The following PPP1R16A variants were observed in gnomAD, a reference collection of about 807,000 sequenced individuals.
The protein encoded by PPP1R16A is protein phosphatase 1 regulatory subunit 16A.
A neutral mutation model predicts 46.6 loss-of-function variants in PPP1R16A; 39 were observed. The observed-to-expected ratio is 0.84, with a 90% CI of 0.65 to 1.09. The LOEUF (loss-of-function observed/expected upper bound fraction) is 1.09. Ranked by LOEUF, PPP1R16A falls within the 50% of genes least tolerant of loss-of-function variation. The pLI, the probability that PPP1R16A is intolerant of heterozygous loss-of-function variation, is 0.00. For missense variants in PPP1R16A, 798 were observed against 735.6 expected (o/e 1.08, Z -0.98); for synonymous variants, 413 against 321.5 (o/e 1.28, Z -3.04).
At position 144,499,022 on chromosome 8, in the gene PPP1R16A, C is replaced by T. The variant is rs200134453; in HGVS notation, c.437C>T (p.Thr146Ile). ...TGGACGCCTCTGCATGCTGCGGCCA[C>T]CTGCGGCCACCTGCACCTGGTGGAG... is the stretch of plus-strand genomic sequence containing the variant. ...ECWTPLHAAA[T>I]CGHLHLVELL... is the part of the protein sequence containing the mutation. Residue 146 changes from threonine to isoleucine, a missense_variant, in exon 5 of 12, where the codon ACC becomes ATC. Coordinates refer to ENST00000435887, the MANE Select transcript of PPP1R16A (RefSeq NM_001329443.2). The T allele has an allele frequency of 1.9e-6, 3 of 1,589,710 alleles. No individual in the cohort carries two copies. Among genetic ancestry groups the T allele is most frequent in the African/African-American group, 2.7e-5 (2 of 74,762 alleles).
intron 1 of PPP1R16A, among the ~76,000 whole-genome samples, chr8:144,484,499 A>G (rs1223580205): frequency 1.3e-5 from 2 of 152,072 alleles, no homozygotes; most frequent in Non-Finnish European, 2.9e-5. Flanking sequence ...GCTGGCTTTT[A>G]TCTTCAGTTC....
At chr8:144,487,177 C>T (rs866633350) in intron 1 of PPP1R16A, among the ~76,000 whole-genome samples, 5 of 151,940 alleles carry the variant, frequency 3.3e-5, no homozygotes, top group Admixed American at 6.6e-5. Flanking sequence ...CTAGTAGAGA[C>T]GGGGTTTCAC....
intron 3 of PPP1R16A, chr8:144,497,993 C>T (rs545549719): frequency 4.7e-4 from 214 of 454,666 alleles, no homozygotes; most frequent in African/African-American, 4.0e-3. Flanking sequence ...CCCACGCTTG[C>T]AGCCCCAGCT....
chr8:144,499,783 C>CT, intron 5 of PPP1R16A: 1 of 350,214 alleles, frequency 2.9e-6, no homozygotes, highest in Non-Finnish European at 5.4e-6. Context: ...CCTGCACCCC[C>CT]GCCACCCTGT....
chr8:144,490,456 A>G (rs991562264), intron 2 of PPP1R16A, among the ~76,000 whole-genome samples: 41 of 152,066 alleles, frequency 2.7e-4, no homozygotes, highest in African/African-American at 9.4e-4. Flanking sequence ...CAGTGAGCCA[A>G]GATCATGCCA....
chr8:144,488,313 G>A (rs549080844), intron 1 of PPP1R16A, among the ~76,000 whole-genome samples: 2 of 152,312 alleles, frequency 1.3e-5, no homozygotes, highest in South Asian at 2.1e-4. Flanking sequence ...GGGCAGGAGA[G>A]AAAAGGCAAG....
intron 1 of PPP1R16A, among the ~76,000 whole-genome samples, chr8:144,482,286 T>C (rs940389118): frequency 5.3e-5 from 8 of 152,012 alleles, no homozygotes; most frequent in African/African-American, 1.7e-4. Flanking sequence ...TTGGCCAGAC[T>C]ACCTGAAGTG....
chr8:144,496,733 G>T lies in PPP1R16A; in HGVS notation c.-462G>T, dbSNP rs1473057481. ...GGCTCCTGAGCCTAGAAGGTGAAAA[G>T]AGGACTCTCAGGGGCTCACAGGGGC... On this transcript the variant is annotated 5_prime_UTR_variant, in exon 3 of 12. Transcript: ENST00000435887. 4.6e-6 allele frequency: 1 copy of T among 216,148 alleles called. No individual in the cohort carries two copies. Among genetic ancestry groups the T allele is most frequent in the African/African-American group, 2.3e-5 (1 of 43,846 alleles). The allele number at this position is 216,148 out of a possible 1,614,324, so 13.4% of individuals were successfully genotyped here.
Position 144,500,471 on chromosome 8 carries a change from G to T in PPP1R16A, c.706-16G>T. 6.4e-7 allele frequency: 1 copy of T among 1,565,612 alleles called. No individual in the cohort carries two copies. The highest frequency in any genetic ancestry group is 8.6e-7 in the Non-Finnish European group (1 of 1,164,244). On this transcript the variant is annotated splice_polypyrimidine_tract_variant and intron_variant, in intron 7 of 11. Transcript: ENST00000435887. Reference sequence around the variant, plus strand: ...TGGGGGATGGGGCCGAATTCAGGCCGGGCGCTTGCCTGCAGCTGCACGTCG... The same window carrying T: ...TGGGGGATGGGGCCGAATTCAGGCCTGGCGCTTGCCTGCAGCTGCACGTCG...
chr8:144,480,623 A>T (rs1195105474), intron 1 of PPP1R16A, among the ~76,000 whole-genome samples: 3 of 152,020 alleles, frequency 2.0e-5, no homozygotes, highest in Admixed American at 1.3e-4. Flanking sequence ...AGTAGCTGGG[A>T]CTACAGGCGC....
At chr8:144,487,581 G>A (rs1825666529) in intron 1 of PPP1R16A, among the ~76,000 whole-genome samples, 1 of 152,114 alleles carries the variant, frequency 6.6e-6, no homozygotes. Context: ...TTTTGCCTAG[G>A]CTGGCCTTGA....
In PPP1R16A at chr8:144,487,564, C is replaced by T. The variant is rs1015753254; in HGVS notation, c.-913-2470C>T. 3.9e-5 allele frequency among the ~76,000 whole-genome samples: 6 copies of T among 152,106 alleles called. No homozygotes were observed. In the South Asian group the frequency reaches 8.3e-4, roughly 21 times the overall value. On this transcript the variant is annotated intron_variant, in intron 1 of 11. Coordinates refer to ENST00000435887, the MANE Select transcript of PPP1R16A (RefSeq NM_001329443.2). ...TTTTAAATTTTGTAGAGATGAGAGTCTCCCTGTTTTGCCTAGGCTGGCCTT... is the reference window on the plus strand; with the variant it reads ...TTTTAAATTTTGTAGAGATGAGAGTTTCCCTGTTTTGCCTAGGCTGGCCTT...
chr8:144,481,172 G>C (rs1299750962), intron 1 of PPP1R16A, among the ~76,000 whole-genome samples: 1 of 151,800 alleles, frequency 6.6e-6, no homozygotes, highest in Non-Finnish European at 1.5e-5. Context: ...TTACAGGCGT[G>C]ACCACCGCGC....
At chr8:144,489,035 C>T (rs1318260374) in intron 1 of PPP1R16A, among the ~76,000 whole-genome samples, 2 of 151,100 alleles carry the variant, frequency 1.3e-5, no homozygotes, top group Non-Finnish European at 3.0e-5. Context: ...GAAACCCGCT[C>T]TCTACTAAAA....
chr8:144,500,679 T>C lies in PPP1R16A; in HGVS notation c.832-7T>C. ...AGCAGTCTGCAGCTCCGGCCTGCCG[T>C]CCACAGGTGCCCCTGGTGGAGCTGC... On this transcript the variant is annotated splice_region_variant and splice_polypyrimidine_tract_variant and intron_variant, in intron 8 of 11. Transcript: ENST00000435887. 1 of 1,609,832 alleles carries C rather than the reference T, an allele frequency of 6.2e-7. No homozygotes were observed.
chr8:144,492,769 C>T (rs1441477583), intron 2 of PPP1R16A, among the ~76,000 whole-genome samples: 2 of 152,182 alleles, frequency 1.3e-5, no homozygotes, highest in Non-Finnish European at 2.9e-5. Flanking sequence ...TCTGCACCCT[C>T]CTCACCATTT....
At chr8:144,487,180 G>C (rs1378691259) in intron 1 of PPP1R16A, among the ~76,000 whole-genome samples, 1 of 151,946 alleles carries the variant, frequency 6.6e-6, no homozygotes. Context: ...GTAGAGACGG[G>C]GTTTCACCCT....
intron 1 of PPP1R16A, 138 bp from the exon 2 acceptor site, chr8:144,489,896 G>T (rs1825747794): frequency 6.6e-6 from 1 of 152,448 alleles, no homozygotes; most frequent in Admixed American, 6.5e-5. Flanking sequence ...TGGACCCTGT[G>T]AGCCGCGGGC....
chr8:144,497,887 A>G (rs966483092), intron 3 of PPP1R16A: 1 of 368,102 alleles, frequency 2.7e-6, no homozygotes, highest in Non-Finnish European at 5.4e-6. Flanking sequence ...TGTGGGTGAG[A>G]GAGCCAGGCC....
Sources: gnomAD v4.1 joint callset for allele counts (sites outside exome capture counted in the v4.1 genomes callset) on GRCh38, gnomAD v4.1.1 for gene constraint, MANE v1.5 for transcripts, NCBI Gene and HGNC (gene_info 2026-07-23, HGNC 2026-07-21) for gene names.